Variants in CPEB1 observed in about 807,000 individuals in gnomAD.
CPEB1 encodes cytoplasmic polyadenylation element binding protein 1.
A neutral mutation model predicts 65.8 loss-of-function variants in CPEB1; 7 were observed. That is an observed-to-expected ratio of 0.11 (90% CI 0.06 to 0.20). The LOEUF is 0.20. Ranked by LOEUF, CPEB1 falls within the 10% of genes least tolerant of loss-of-function variation. The pLI is 1.00. For synonymous variants in CPEB1, 262 were observed against 260.0 expected, an observed-to-expected ratio of 1.01 and a Z score of -0.08; for missense variants, 551 against 712.2, an observed-to-expected ratio of 0.77 and a Z score of 2.58.
chr15:82,601,318 A>G (rs2043104801), intron 3 of CPEB1, among the ~76,000 whole-genome samples: 1 of 151,808 alleles, frequency 6.6e-6, no homozygotes, highest in Non-Finnish European at 1.5e-5. Context: ...AGGCGGGTGG[A>G]TCACCTGAGG....
intron 3 of CPEB1, among the ~76,000 whole-genome samples, chr15:82,620,296 G>A (rs2045175473): frequency 6.6e-6 from 1 of 151,182 alleles, no homozygotes; most frequent in African/African-American, 2.4e-5. Context: ...GTGGTGGCAT[G>A]TGCCTGTAGT....
chr15:82,614,119 C>T (rs2044455499), intron 3 of CPEB1, among the ~76,000 whole-genome samples: 1 of 152,096 alleles, frequency 6.6e-6, no homozygotes, highest in Admixed American at 6.5e-5. Flanking sequence ...GACTGGCCTC[C>T]TCGGGAGGCT....
chr15:82,613,639 C>G (rs2044393065), intron 3 of CPEB1, among the ~76,000 whole-genome samples: 1 of 152,196 alleles, frequency 6.6e-6, no homozygotes, highest in East Asian at 1.9e-4. Flanking sequence ...GGATTATAGA[C>G]ATGAGCCACT....
intron 4 of CPEB1, among the ~76,000 whole-genome samples, chr15:82,563,765 G>A (rs1401975279): frequency 6.6e-6 from 1 of 151,864 alleles, no homozygotes; most frequent in Non-Finnish European, 1.5e-5. Flanking sequence ...TGGATAAAAA[G>A]GATTACAAAT....
intron 1 of CPEB1, among the ~76,000 whole-genome samples, chr15:82,643,044 C>A (rs1367504231): frequency 1.3e-5 from 2 of 152,140 alleles, no homozygotes; most frequent in Non-Finnish European, 2.9e-5. Context: ...CAACACCTAA[C>A]GTTATAAATG....
intron 11 of CPEB1, 144 bp downstream of exon 11, chr15:82,546,999 C>A: frequency 1.6e-6 from 1 of 610,260 alleles, no homozygotes. Context: ...AAACCCTAAC[C>A]TCAATGTTAA....
At chr15:82,610,393 C>T (rs1346680720) in intron 3 of CPEB1, among the ~76,000 whole-genome samples, 3 of 152,116 alleles carry the variant, frequency 2.0e-5, no homozygotes, top group Non-Finnish European at 2.9e-5. Flanking sequence ...CAAAATCAGG[C>T]AGAGACCACA....
intron 6 of CPEB1, among the ~76,000 whole-genome samples, chr15:82,554,781 GA>G (rs2036897533): frequency 1.3e-5 from 2 of 152,218 alleles, no homozygotes; most frequent in South Asian, 4.1e-4. Context: ...GATGTGGAAG[GA>G]TATTTCCTAA....
chr15:82,560,146 T>C (rs2037951938), intron 4 of CPEB1, among the ~76,000 whole-genome samples: 1 of 152,152 alleles, frequency 6.6e-6, no homozygotes, highest in Non-Finnish European at 1.5e-5. Flanking sequence ...GTAGAGTCCA[T>C]GCCCTGAGAA....
intron 1 of CPEB1, among the ~76,000 whole-genome samples, chr15:82,631,799 A>G (rs1263502653): frequency 6.6e-6 from 1 of 152,084 alleles, no homozygotes; most frequent in Non-Finnish European, 1.5e-5. Context: ...ATATGATTCA[A>G]ATAGACCTAA....
rs562780334 is a variant in CPEB1 at position 82,584,816 on chromosome 15, GA to G, written c.272-13285del. Among the ~76,000 whole-genome samples, 367 of 123,464 alleles carry G rather than the reference GA, an allele frequency of 3.0e-3. 1 individual carries two copies. The highest frequency in any genetic ancestry group is 6.9e-3 in the Admixed American group (79 of 11,508). The allele number at this position is 123,464 out of a possible 152,430, so 81.0% of individuals were successfully genotyped here. A position where few individuals can be genotyped will look rare whatever the true frequency, so the allele number is the denominator to read the frequency against. On this transcript the variant is annotated intron_variant, in intron 3 of 12. Coordinates refer to ENST00000684509, the MANE Select transcript of CPEB1 (RefSeq NM_001365242.1). ...TTCAAAATATTTAATATACACGTTT[GA>G]AAAAAAAAACTGGAGAGATACACCA...
rs2035872451 is a variant in CPEB1 at position 82,549,503 on chromosome 15, C to G, written c.1437G>C (p.Val479=). ...AAILNDLFGG[V]VYAGIDTDKH... ...TATCTGTGTCAATCCCGGCATACAC[C>G]ACTCCACCAAATAGGTCGTTCAAGA... is the stretch of plus-strand genomic sequence containing the variant. The change falls in exon 10 of 13, where the codon GTG becomes GTC. Residue 479 remains valine, a synonymous_variant. Transcript: ENST00000684509. The G allele has an allele frequency of 6.2e-7, 1 of 1,614,078 alleles. No homozygotes were observed. Among genetic ancestry groups the G allele is most frequent in the African/African-American group, 1.3e-5 (1 of 74,910 alleles).
At chr15:82,612,448 G>A (rs537322157) in intron 3 of CPEB1, among the ~76,000 whole-genome samples, 1 of 141,066 alleles carries the variant, frequency 7.1e-6, no homozygotes, top group South Asian at 2.2e-4. Flanking sequence ...AGTGAGCTGA[G>A]ATCACACTAT....
At position 82,544,125 on chromosome 15, in the gene CPEB1, G is replaced by T; in HGVS notation, c.*467C>A. Reference sequence around the variant, plus strand: ...CAGGTGGGGGTTAAATAAATGGAAAGGCACTGTATGGCAACTGCAAGAATG... The same window carrying T: ...CAGGTGGGGGTTAAATAAATGGAAATGCACTGTATGGCAACTGCAAGAATG... On this transcript the variant is annotated 3_prime_UTR_variant, in exon 13 of 13. Coordinates refer to ENST00000684509, the MANE Select transcript of CPEB1 (RefSeq NM_001365242.1). The T allele has an allele frequency of 6.5e-6, 1 of 153,744 alleles. No homozygotes were observed. The highest frequency in any genetic ancestry group is 1.5e-5 in the Non-Finnish European group (1 of 68,934). The allele number at this position is 153,744 out of a possible 1,614,324, so 9.5% of individuals were successfully genotyped here.
In CPEB1 at chr15:82,628,374, A is replaced by G. The variant is rs2045953247; in HGVS notation, c.86T>C (p.Leu29Pro). Residue 29 changes from leucine (L) to proline (P), a missense_variant, in exon 2 of 13, where the codon CTA becomes CCA. Physicochemically the swap from Leu to Pro is moderately conservative, Grantham distance 98. Transcript: ENST00000684509. ...CAAGAGTTAACATACCAGAGGAATT[A>G]GCAGAAGACAATCTGATAGAGATGA... ...EHSSLSDCLL[L>P]IPLEEEAGRI... 1 of 702,748 alleles carries G rather than the reference A, an allele frequency of 1.4e-6. No individual in the cohort carries two copies. The highest frequency in any genetic ancestry group is 2.3e-4 in the Middle Eastern group (1 of 4,392). The allele number at this position is 702,748 out of a possible 1,614,324, so 43.5% of individuals were successfully genotyped here. A position where few individuals can be genotyped will look rare whatever the true frequency, so the allele number is the denominator to read the frequency against.
intron 4 of CPEB1, chr15:82,562,082 G>C (rs1015216923): frequency 2.3e-5 from 9 of 389,474 alleles, no homozygotes; most frequent in African/African-American, 1.3e-4. Flanking sequence ...GGGGCAGTCA[G>C]TTTGTAAAAG....
At position 82,571,501 on chromosome 15, in the gene CPEB1, G is replaced by A. The variant is rs1473965925; in HGVS notation, c.303C>T (p.Ser101=). 4 of 1,614,074 alleles carry A rather than the reference G, an allele frequency of 2.5e-6. No homozygotes were observed. Among genetic ancestry groups the A allele is most frequent in the South Asian group, 1.1e-5 (1 of 91,070 alleles). Residue 101 remains serine (S), a synonymous_variant, in exon 4 of 13, where the codon AGC becomes AGT. Transcript: ENST00000684509. ...DFQDSEETVT[S]RMLFPTSAQE... is the part of the protein sequence containing the mutation. ...GCGCAGAGGTTGGGAAAAGCATCCTGCTTGTAACTGTTTCTTCAGAGTCCT... is the reference window on the plus strand; with the variant it reads ...GCGCAGAGGTTGGGAAAAGCATCCTACTTGTAACTGTTTCTTCAGAGTCCT...
chr15:82,564,395 C>G (rs1448343596), intron 4 of CPEB1, among the ~76,000 whole-genome samples: 3 of 152,174 alleles, frequency 2.0e-5, no homozygotes, highest in African/African-American at 7.2e-5. Context: ...ACGCCATTCT[C>G]CTGCCTCAGC....
intron 3 of CPEB1, among the ~76,000 whole-genome samples, chr15:82,585,912 A>G (rs2041758017): frequency 6.6e-6 from 1 of 152,104 alleles, no homozygotes; most frequent in Admixed American, 6.5e-5. Flanking sequence ...ACACTACTTA[A>G]TAAATGAGAA....
Sources: gnomAD v4.1 joint callset for allele counts (sites outside exome capture counted in the v4.1 genomes callset) on GRCh38, gnomAD v4.1.1 for gene constraint, MANE v1.5 for transcripts, NCBI Gene and HGNC (gene_info 2026-07-23, HGNC 2026-07-21) for gene names.